SLC35F3: variants seen among roughly 807,000 people sequenced by gnomAD.
The protein encoded by SLC35F3 is solute carrier family 35 member F3.
A neutral mutation model predicts 49.9 loss-of-function variants in SLC35F3; 25 were observed. The ratio of observed to expected loss-of-function variants is 0.50; its 90% confidence interval spans 0.37 to 0.70. The LOEUF (loss-of-function observed/expected upper bound fraction) is 0.70, where lower values mean the gene tolerates loss of function less well. SLC35F3 is among the 30% of genes least tolerant of loss of function. The pLI, the probability that SLC35F3 is intolerant of heterozygous loss-of-function variation, is 0.00. For missense variants in SLC35F3, 525 were observed against 639.8 expected (o/e 0.82, Z 1.94); for synonymous variants, 275 against 265.4 (o/e 1.04, Z -0.35).
chr1:234,089,630 C>T (rs769910745), intron 2 of SLC35F3, among the ~76,000 whole-genome samples: 8 of 152,108 alleles, frequency 5.3e-5, no homozygotes, highest in African/African-American at 2.4e-5. Context: ...AGGTGTACCC[C>T]GGGGTGGTCA....
intron 2 of SLC35F3, among the ~76,000 whole-genome samples, chr1:234,063,895 G>A (rs1664579253): frequency 6.6e-6 from 1 of 152,186 alleles, no homozygotes; most frequent in African/African-American, 2.4e-5. Context: ...GGAACGATCT[G>A]AGACCTGCCA....
chr1:234,286,594 A>G (rs1445691570), intron 3 of SLC35F3, among the ~76,000 whole-genome samples: 1 of 152,262 alleles, frequency 6.6e-6, no homozygotes, highest in Admixed American at 6.5e-5. Flanking sequence ...TAGTAATATT[A>G]TGTGGGGCCA....
intron 2 of SLC35F3, among the ~76,000 whole-genome samples, chr1:233,928,318 A>C (rs1662191726): frequency 6.6e-6 from 1 of 152,202 alleles, no homozygotes; most frequent in South Asian, 2.1e-4. Context: ...AAATGTGAGC[A>C]CATCACTGAG....
At chr1:234,172,442 G>A (rs1270036742) in intron 2 of SLC35F3, among the ~76,000 whole-genome samples, 1 of 152,112 alleles carries the variant, frequency 6.6e-6, no homozygotes, top group Non-Finnish European at 1.5e-5. Flanking sequence ...GGCCAGGCTG[G>A]TCTCGAACTC....
At chr1:233,905,500 C>G in intron 1 of SLC35F3, 29 bp from the exon 2 acceptor site, 1 of 1,548,820 alleles carries the variant, frequency 6.5e-7, no homozygotes, top group Middle Eastern at 1.7e-4. Flanking sequence ...CCCTGCCCAC[C>G]CACCTGCCCG....
Position 233,905,305 on chromosome 1 carries a change from G to C in SLC35F3, c.53+175G>C, listed in dbSNP as rs548698741. Reference sequence around the variant, plus strand: ...TTTCCCTCGCCACTCGCCCCAACCCGCACTGCCCCGAGACGCCCAGGATAG... The same window carrying C: ...TTTCCCTCGCCACTCGCCCCAACCCCCACTGCCCCGAGACGCCCAGGATAG... On this transcript the variant is annotated intron_variant, in intron 1 of 7. Coordinates refer to ENST00000366618, the MANE Select transcript of SLC35F3 (RefSeq NM_173508.4). Among the ~76,000 whole-genome samples the C allele has an allele frequency of 2.6e-4, 39 of 152,282 alleles. No homozygotes were observed. In the South Asian group the frequency reaches 7.5e-3, roughly 29 times the overall value.
chr1:233,925,453 A>G (rs1254975912), intron 2 of SLC35F3, among the ~76,000 whole-genome samples: 1 of 150,594 alleles, frequency 6.6e-6, no homozygotes, highest in Non-Finnish European at 1.5e-5. Context: ...CTAGGATTGC[A>G]ACCCCTGCTT....
intron 2 of SLC35F3, among the ~76,000 whole-genome samples, chr1:234,170,013 T>C (rs372870868): frequency 1.6e-3 from 240 of 152,252 alleles, no homozygotes; most frequent in African/African-American, 5.5e-3. Flanking sequence ...ATGATCCGCC[T>C]GCCTCGGCCT....
intron 2 of SLC35F3, among the ~76,000 whole-genome samples, chr1:233,934,739 T>C (rs1243432510): frequency 6.7e-6 from 1 of 150,006 alleles, no homozygotes; most frequent in Admixed American, 6.7e-5. Context: ...GGAGATCTTA[T>C]TAATTTTAAA....
chr1:233,918,148 T>C (rs1662000974), intron 2 of SLC35F3, among the ~76,000 whole-genome samples: 1 of 152,252 alleles, frequency 6.6e-6, no homozygotes, highest in African/African-American at 2.4e-5. Flanking sequence ...AAGGGAAGGC[T>C]GTGCCTCTTT....
At chr1:234,156,915 C>T (rs1666161647) in intron 2 of SLC35F3, among the ~76,000 whole-genome samples, 1 of 151,900 alleles carries the variant, frequency 6.6e-6, no homozygotes, top group African/African-American at 2.4e-5. Flanking sequence ...ATTAGGTAAG[C>T]GCAGAGAGAC....
intron 2 of SLC35F3, among the ~76,000 whole-genome samples, chr1:234,129,895 A>G (rs1665709320): frequency 6.6e-6 from 1 of 152,236 alleles, no homozygotes; most frequent in Non-Finnish European, 1.5e-5. Flanking sequence ...ACACCTGACC[A>G]TAAACAAAAA....
intron 2 of SLC35F3, among the ~76,000 whole-genome samples, chr1:233,969,517 C>T (rs1271289053): frequency 1.3e-5 from 2 of 152,164 alleles, no homozygotes; most frequent in African/African-American, 4.8e-5. Flanking sequence ...GTTCCTGCAC[C>T]TCTGTTGGGC....
intron 2 of SLC35F3, among the ~76,000 whole-genome samples, chr1:234,172,275 C>T (rs1466438268): frequency 6.6e-6 from 1 of 152,164 alleles, no homozygotes; most frequent in East Asian, 1.9e-4. Context: ...GCTCTTTCAC[C>T]CAGGCTGGAG....
Position 234,320,315 on chromosome 1 carries a change from T to TAC in SLC35F3, c.1237+142_1237+143dup, listed in dbSNP as rs149366986. On this transcript the variant is annotated intron_variant, in intron 7 of 7. Transcript: ENST00000366618. This position sits in a 1 kb window ranked among gnomAD's most constrained non-coding sequence, Gnocchi z 4.8. Reference sequence around the variant, plus strand: ...ACACTCACATACACACACTCATGCATACACACACACACACATACTCTCACA... The same window carrying TAC: ...ACACTCACATACACACACTCATGCATACACACACACACACACATACTCTCACA... The TAC allele has an allele frequency of 1.3e-4, 86 of 671,524 alleles. No individual in the cohort carries two copies. Among genetic ancestry groups the TAC allele is most frequent in the East Asian group, 2.4e-4 (9 of 36,784 alleles). 41.6% of individuals were successfully genotyped at this position (671,524 alleles called of 1,614,324 possible).
chr1:234,163,281 C>T (rs1316068559), intron 2 of SLC35F3, among the ~76,000 whole-genome samples: 4 of 152,174 alleles, frequency 2.6e-5, no homozygotes, highest in Admixed American at 1.3e-4. Context: ...CTCGTAAGTA[C>T]CCACATGCCT....
At chr1:233,950,685 G>T (rs1441322064) in intron 2 of SLC35F3, among the ~76,000 whole-genome samples, 2 of 151,812 alleles carry the variant, frequency 1.3e-5, no homozygotes, top group African/African-American at 4.8e-5. Flanking sequence ...ACAAATCAGA[G>T]AGACTAGGAA....
Position 233,905,773 on chromosome 1 carries a change from C to T in SLC35F3, c.283+15C>T, listed in dbSNP as rs368778667. The T allele has an allele frequency of 5.6e-5, 90 of 1,593,626 alleles. No individual in the cohort carries two copies. Among genetic ancestry groups the T allele is most frequent in the Non-Finnish European group, 7.5e-5 (87 of 1,165,328 alleles). ...GAGCTGCAAAAGTAAGACCCCCTCACGTCATGTTTCCCGTTCACTGGTCCA... is the reference window on the plus strand; with the variant it reads ...GAGCTGCAAAAGTAAGACCCCCTCATGTCATGTTTCCCGTTCACTGGTCCA... On this transcript the variant is annotated intron_variant, in intron 2 of 7. Transcript: ENST00000366618.
chr1:234,126,730 A>C (rs1665654145), intron 2 of SLC35F3, among the ~76,000 whole-genome samples: 1 of 151,982 alleles, frequency 6.6e-6, no homozygotes, highest in African/African-American at 2.4e-5. Flanking sequence ...TTGCTCTGTC[A>C]CCCAGGCTGG....
Sources: gnomAD v4.1 joint callset for allele counts (sites outside exome capture counted in the v4.1 genomes callset) on GRCh38, gnomAD v4.1.1 for gene constraint, Gnocchi (gnomAD v3.1) non-coding constraint, MANE v1.5 for transcripts, NCBI Gene and HGNC (gene_info 2026-07-23, HGNC 2026-07-21) for gene names.